The following PRSS23 variants were observed in gnomAD, a reference collection of about 807,000 sequenced individuals.
The protein encoded by PRSS23 is protease, serine 23.
PRSS23 carries 25 observed loss-of-function variants against 34.7 expected under a neutral mutation model. The observed-to-expected ratio is 0.72, with a 90% CI of 0.53 to 1.01. The LOEUF (loss-of-function observed/expected upper bound fraction) is 1.01, where lower values mean the gene tolerates loss of function less well. Among genes scored for constraint, PRSS23 ranks in the 50% least tolerant of loss-of-function variants. The pLI, the probability that PRSS23 is intolerant of heterozygous loss-of-function variation, is 0.00. For synonymous variants in PRSS23, 176 were observed against 186.6 expected (o/e 0.94, Z 0.46); for missense variants, 445 against 475.6 (o/e 0.94, Z 0.60).
chr11:86,833,370 C>T (rs929964425), intron 2 of PRSS23: 8 of 777,404 alleles, frequency 1.0e-5, no homozygotes, highest in Admixed American at 5.3e-5. Context: ...TGAACAGGAA[C>T]AGCCCAGCGA....
chr11:86,876,070 C>T (rs1200524889), intron 2 of PRSS23, among the ~76,000 whole-genome samples: 3 of 152,190 alleles, frequency 2.0e-5, no homozygotes, highest in African/African-American at 7.2e-5. Flanking sequence ...CTTTCTGAGA[C>T]TTATTTTCCA....
intron 2 of PRSS23, among the ~76,000 whole-genome samples, chr11:86,885,397 T>G (rs1397546076): frequency 6.6e-6 from 1 of 152,254 alleles, no homozygotes; most frequent in Non-Finnish European, 1.5e-5. Flanking sequence ...CTATGATGGT[T>G]AACTTTGTTA....
chr11:86,832,456 G>C, intron 2 of PRSS23: 1 of 195,400 alleles, frequency 5.1e-6, no homozygotes, highest in Non-Finnish European at 1.1e-5. Context: ...GATATTATTC[G>C]TATTTGACCT....
chr11:86,831,631 C>T lies in PRSS23; in HGVS notation c.206+8038C>T, dbSNP rs149819456. ...TACTACTAATGTCACAGGGGGTGTA[C>T]GCCCTGTGATATCATTCCTAATATT... On this transcript the variant is annotated intron_variant, in intron 2 of 2. Coordinates refer to the PRSS23 transcript ENST00000533902. Among the ~76,000 whole-genome samples, 416 of 151,142 alleles carry T rather than the reference C, an allele frequency of 2.8e-3. 3 individuals carry two copies. The highest frequency in any genetic ancestry group is 9.6e-3 in the African/African-American group (397 of 41,174).
chr11:86,825,579 GC>G (rs1367936037), intron 2 of PRSS23, among the ~76,000 whole-genome samples: 2 of 150,498 alleles, frequency 1.3e-5, no homozygotes, highest in Non-Finnish European at 3.0e-5. Flanking sequence ...GAATGGTAAT[GC>G]CTAGGTTTTC....
At chr11:86,824,375 A>AAAAT (rs1555071074) in intron 2 of PRSS23, among the ~76,000 whole-genome samples, 8 of 130,488 alleles carry the variant, frequency 6.1e-5, no homozygotes, top group Admixed American at 2.3e-4. Context: ...TAAAATAAAT[A>AAAAT]AAATAAAAAA....
chr11:86,938,776 C>CT (rs1241601223), intron 2 of PRSS23, among the ~76,000 whole-genome samples: 1 of 152,118 alleles, frequency 6.6e-6, no homozygotes, highest in Non-Finnish European at 1.5e-5. Flanking sequence ...GGCAGCCTCT[C>CT]TGAGATCCCT....
At chr11:86,840,160 T>C (rs1036659801) in intron 2 of PRSS23, among the ~76,000 whole-genome samples, 4 of 152,134 alleles carry the variant, frequency 2.6e-5, no homozygotes, top group Admixed American at 2.6e-4. Flanking sequence ...ATTGGCAAAT[T>C]GGATAAAGAG....
At chr11:86,914,483 G>A (rs1233484376) in intron 2 of PRSS23, among the ~76,000 whole-genome samples, 3 of 152,278 alleles carry the variant, frequency 2.0e-5, no homozygotes, top group Non-Finnish European at 2.9e-5. Flanking sequence ...CATTTCACTC[G>A]ATTTCCCTTG....
intron 2 of PRSS23, among the ~76,000 whole-genome samples, chr11:86,874,837 G>A (rs1179567375): frequency 3.9e-5 from 6 of 152,186 alleles, no homozygotes; most frequent in Admixed American, 6.5e-5. Context: ...ACAAGTGGCC[G>A]AAGGGCTGAG....
intron 2 of PRSS23, among the ~76,000 whole-genome samples, chr11:86,831,706 T>G (rs1356069092): frequency 6.6e-6 from 1 of 151,832 alleles, no homozygotes; most frequent in Non-Finnish European, 1.5e-5. Context: ...ACTGTGATGT[T>G]ATTCATAATA....
rs1208902584 is a variant in PRSS23, at chr11:86,840,803, TACTC to T, written c.206+17216_206+17219del. ...ATCAAAGTACAATTCAGGATTAAGA[TACTC>T]ACTCAAAACTGCACAACTACATGGA... is the stretch of plus-strand genomic sequence containing the variant. On this transcript the variant is annotated intron_variant, in intron 2 of 2. Transcript: ENST00000533902. Among the ~76,000 whole-genome samples, 4 of 152,244 alleles carry T rather than the reference TACTC, an allele frequency of 2.6e-5. No homozygotes were observed. In the East Asian group the frequency reaches 5.8e-4, roughly 22 times the overall value.
At chr11:86,806,693 C>A (rs993970821) in intron 1 of PRSS23, among the ~76,000 whole-genome samples, 2 of 152,236 alleles carry the variant, frequency 1.3e-5, no homozygotes, top group Admixed American at 6.5e-5. Context: ...CCATGTACAT[C>A]ATTGTCATTA....
At chr11:86,881,757 T>C (rs1456096418) in intron 2 of PRSS23, among the ~76,000 whole-genome samples, 1 of 152,220 alleles carries the variant, frequency 6.6e-6, no homozygotes, top group African/African-American at 2.4e-5. Context: ...TTCTCATTAG[T>C]AATTCAATCT....
intron 1 of PRSS23, among the ~76,000 whole-genome samples, chr11:86,806,525 C>T (rs779709119): frequency 2.0e-4 from 31 of 152,252 alleles, no homozygotes; most frequent in African/African-American, 5.5e-4. Flanking sequence ...TTGAAAAGAA[C>T]GGGTGCATTT....
intron 2 of PRSS23, among the ~76,000 whole-genome samples, chr11:86,891,130 G>A (rs1241319572): frequency 6.6e-6 from 1 of 152,100 alleles, no homozygotes; most frequent in East Asian, 1.9e-4. Context: ...CCTGTTTTCT[G>A]TAATCAGACT....
chr11:86,931,947 A>G (rs756752231), intron 2 of PRSS23, among the ~76,000 whole-genome samples: 2 of 152,192 alleles, frequency 1.3e-5, no homozygotes, highest in Non-Finnish European at 1.5e-5. Context: ...AATAACATGT[A>G]TAAGAGGGCA....
chr11:86,821,718 T>G, intron 1 of PRSS23: 1 of 1,430,154 alleles, frequency 7.0e-7, no homozygotes. Context: ...GAACAGCTAG[T>G]GTACTGTCTA....
At chr11:86,853,769 TGA>T in intron 2 of PRSS23, among the ~76,000 whole-genome samples, 1 of 152,330 alleles carries the variant, frequency 6.6e-6, no homozygotes, top group African/African-American at 2.4e-5. Flanking sequence ...TGGGATCATC[TGA>T]TAATTCTGTT....
Sources: gnomAD v4.1 joint callset for allele counts (sites outside exome capture counted in the v4.1 genomes callset) on GRCh38, gnomAD v4.1.1 for gene constraint, MANE v1.5 for transcripts, NCBI Gene and HGNC (gene_info 2026-07-23, HGNC 2026-07-21) for gene names.